PRKN: variants seen among roughly 807,000 people sequenced by gnomAD.
PRKN encodes parkin RBR E3 ubiquitin protein ligase, also known as E3 ubiquitin-protein ligase parkin.
In PRKN, 56 loss-of-function variants were observed where a neutral mutation model predicts 59.5. That is an observed-to-expected ratio of 0.94 (90% CI 0.76 to 1.18). The LOEUF (loss-of-function observed/expected upper bound fraction) is 1.18, where lower values mean the gene tolerates loss of function less well. Ranked by LOEUF, PRKN falls within the 50% of genes most tolerant of loss-of-function variation. PRKN has a pLI of 0.00. For synonymous variants in PRKN, 250 were observed against 222.1 expected, an observed-to-expected ratio of 1.13 and a Z score of -1.12; for missense variants, 657 against 596.4, an observed-to-expected ratio of 1.10 and a Z score of -1.06.
intron 9 of PRKN, among the ~76,000 whole-genome samples, chr6:161,478,385 C>T (rs968095125): frequency 3.9e-5 from 6 of 152,254 alleles, no homozygotes; most frequent in African/African-American, 4.8e-5. Flanking sequence ...TATATTATTG[C>T]ACTTATTAAT....
intron 2 of PRKN, among the ~76,000 whole-genome samples, chr6:162,339,302 C>A (rs1444910739): frequency 1.4e-5 from 2 of 142,858 alleles, no homozygotes; most frequent in Non-Finnish European, 3.1e-5. Flanking sequence ...GGGGGGTCAG[C>A]CCCCCGCCCG....
intron 4 of PRKN, among the ~76,000 whole-genome samples, chr6:162,060,442 T>C (rs1353526082): frequency 1.3e-5 from 2 of 152,206 alleles, no homozygotes; most frequent in Non-Finnish European, 2.9e-5. Context: ...AACACGTCTA[T>C]ATGATGCATG....
chr6:162,052,881 AG>A (rs1777702672), intron 5 of PRKN, among the ~76,000 whole-genome samples: 1 of 152,148 alleles, frequency 6.6e-6, no homozygotes, highest in Non-Finnish European at 1.5e-5. Flanking sequence ...ATGGAAACAT[AG>A]ATGTATATAT....
Position 162,192,040 on chromosome 6 carries a change from T to C in PRKN, c.534+9091A>G, listed in dbSNP as rs1013872802. 5.3e-5 allele frequency among the ~76,000 whole-genome samples: 8 copies of C among 152,196 alleles called. No individual in the cohort carries two copies. In the South Asian group the frequency reaches 1.4e-3, roughly 28 times the overall value. ...ACGTAAAATGAAACAATAAGACATA[T>C]GAAAAACGTTCTTTAGAGAACCTTA... On this transcript the variant is annotated intron_variant, in intron 4 of 11. Coordinates refer to ENST00000366898, the MANE Select transcript of PRKN (RefSeq NM_004562.3).
intron 6 of PRKN, among the ~76,000 whole-genome samples, chr6:161,904,559 C>T (rs971062667): frequency 6.6e-6 from 1 of 152,106 alleles, no homozygotes; most frequent in Non-Finnish European, 1.5e-5. Context: ...TCATGATCTG[C>T]CTGCCTCGGC....
chr6:161,494,467 A>T (rs1777670692), intron 9 of PRKN, among the ~76,000 whole-genome samples: 1 of 152,218 alleles, frequency 6.6e-6, no homozygotes, highest in African/African-American at 2.4e-5. Flanking sequence ...TGTTACTTAC[A>T]TTCTGCATTC....
intron 6 of PRKN, among the ~76,000 whole-genome samples, chr6:161,818,580 T>G (rs1791888659): frequency 6.6e-6 from 1 of 152,066 alleles, no homozygotes; most frequent in Non-Finnish European, 1.5e-5. Flanking sequence ...GCGATCCTCC[T>G]GCGTTGGACT....
At chr6:162,719,160 A>G (rs1778839176) in intron 1 of PRKN, among the ~76,000 whole-genome samples, 1 of 152,238 alleles carries the variant, frequency 6.6e-6, no homozygotes, top group Non-Finnish European at 1.5e-5. Flanking sequence ...TAAAACACAT[A>G]TACTTCCCAT....
intron 2 of PRKN, among the ~76,000 whole-genome samples, chr6:162,384,218 G>A (rs1021936788): frequency 6.6e-6 from 1 of 152,114 alleles, no homozygotes; most frequent in African/African-American, 2.4e-5. Flanking sequence ...TCTCAGTTTT[G>A]GACATGGCTT....
chr6:161,604,547 C>T (rs1782210610), intron 7 of PRKN, among the ~76,000 whole-genome samples: 1 of 152,220 alleles, frequency 6.6e-6, no homozygotes, highest in African/African-American at 2.4e-5. Context: ...GGAGGAAGAA[C>T]TTGCAGCATG....
At position 161,456,565 on chromosome 6, in the gene PRKN, CT is replaced by C. The variant is rs1203691122; in HGVS notation, c.1084-69689del. 6.6e-6 allele frequency among the ~76,000 whole-genome samples: 1 copy of C among 152,096 alleles called. No homozygotes were observed. The highest frequency in any genetic ancestry group is 6.5e-5 in the Admixed American group (1 of 15,270). On this transcript the variant is annotated intron_variant, in intron 9 of 11. Transcript: ENST00000366898. The surrounding 1 kb of genome is among the most constrained non-coding windows in gnomAD (Gnocchi z 4.8). ...AGTCAATTCTCCTTAATAAATGCCC[CT>C]TCATATATTCATCTATCCAATTAGT...
intron 9 of PRKN, among the ~76,000 whole-genome samples, chr6:161,507,326 G>A (rs1276856988): frequency 1.3e-5 from 2 of 152,126 alleles, no homozygotes; most frequent in Non-Finnish European, 2.9e-5. Context: ...TTGTAACATT[G>A]CTCATCTCTA....
chr6:162,352,854 C>T (rs1431793415), intron 2 of PRKN, among the ~76,000 whole-genome samples: 1 of 152,028 alleles, frequency 6.6e-6, no homozygotes, highest in Non-Finnish European at 1.5e-5. Context: ...CCATTTTTCC[C>T]CAAATTTACA....
intron 5 of PRKN, among the ~76,000 whole-genome samples, chr6:162,016,557 T>C (rs1444363992): frequency 6.6e-6 from 1 of 152,086 alleles, no homozygotes; most frequent in East Asian, 1.9e-4. Context: ...ATTCCTTAGT[T>C]GGGCCATGTC....
chr6:161,427,079 C>T (rs35924095), intron 9 of PRKN, among the ~76,000 whole-genome samples: 14,434 of 151,988 alleles, frequency 0.095, 773 homozygotes, highest in Middle Eastern at 0.18. Context: ...AGTGCAGTGG[C>T]GTGATCATAG....
intron 2 of PRKN, among the ~76,000 whole-genome samples, chr6:162,320,786 T>C (rs1782988208): frequency 6.6e-6 from 1 of 151,792 alleles, no homozygotes; most frequent in African/African-American, 2.4e-5. Flanking sequence ...AATGCATTTC[T>C]AAACAAGCCT....
intron 7 of PRKN, among the ~76,000 whole-genome samples, chr6:161,720,771 T>G: frequency 7.5e-6 from 1 of 133,878 alleles, no homozygotes; most frequent in African/African-American, 4.0e-5. Context: ...AAACTATTTT[T>G]TTTTTTTTAA....
intron 4 of PRKN, among the ~76,000 whole-genome samples, chr6:162,125,295 C>A (rs911518546): frequency 1.3e-5 from 2 of 152,202 alleles, no homozygotes; most frequent in African/African-American, 4.8e-5. Flanking sequence ...GGCGGCACCA[C>A]ACCTCAGAGG....
rs1467957557 is a variant in PRKN, at chr6:162,726,207, ATTTG to A, written c.7+1451_7+1454del. ...TTGTCTTTATATAGCTTTACAATAAATTTGTTTCTCTTAAAATTATCTGTGCACT... is the reference window on the plus strand; with the variant it reads ...TTGTCTTTATATAGCTTTACAATAAATTTCTCTTAAAATTATCTGTGCACT... On this transcript the variant is annotated intron_variant, in intron 1 of 11. Transcript: ENST00000366898. 3.9e-5 allele frequency among the ~76,000 whole-genome samples: 6 copies of A among 152,308 alleles called. No individual in the cohort carries two copies. In the South Asian group the frequency reaches 8.3e-4, roughly 21 times the overall value.
Sources: gnomAD v4.1 joint callset for allele counts (sites outside exome capture counted in the v4.1 genomes callset) on GRCh38, gnomAD v4.1.1 for gene constraint, Gnocchi (gnomAD v3.1) non-coding constraint, MANE v1.5 for transcripts, NCBI Gene and HGNC (gene_info 2026-07-23, HGNC 2026-07-21) for gene names.